The following DISP1 variants were observed in gnomAD, a reference collection of about 807,000 sequenced individuals.
DISP1 encodes the protein dispatched RND transporter family member 1, also known as protein dispatched homolog 1.
DISP1 carries 30 observed loss-of-function variants against 37.3 expected under a neutral mutation model. The observed-to-expected ratio is 0.80, with a 90% CI of 0.60 to 1.09. The LOEUF (loss-of-function observed/expected upper bound fraction) is 1.09, where lower values mean the gene tolerates loss of function less well. Ranked by LOEUF, DISP1 falls within the 50% of genes least tolerant of loss-of-function variation. DISP1 has a pLI of 0.00. For missense variants in DISP1, 1,598 were observed against 1,879.5 expected (o/e 0.85, Z 2.77); for synonymous variants, 634 against 690.2 (o/e 0.92, Z 1.28).
chr1:223,005,927 A>G lies in DISP1; in HGVS notation c.4530A>G (p.Thr1510=), dbSNP rs774238192. The G allele has an allele frequency of 1.2e-5, 20 of 1,614,100 alleles. No individual in the cohort carries two copies. The highest frequency in any genetic ancestry group is 7.7e-5 in the South Asian group (7 of 91,090). The change falls in exon 9 of 9, where the codon ACA becomes ACG. Residue 1510 remains threonine (T), a synonymous_variant. Transcript: ENST00000675850. The part of the protein sequence containing the change: ...NMEANVPAVL[T]HSELSGESLL... ...AAGCCAATGTGCCTGCTGTATTAAC[A>G]CACTCGGAACTTTCTGGTGAAAGTT...
intron 1 of DISP1, among the ~76,000 whole-genome samples, chr1:222,870,982 G>A (rs1669534836): frequency 1.3e-5 from 2 of 152,108 alleles, no homozygotes; most frequent in African/African-American, 2.4e-5. Flanking sequence ...GTGTAAGGAA[G>A]GGATCCAGTT....
rs1679781605 is a variant in DISP1 at position 223,004,948 on chromosome 1, A to C, written c.3551A>C (p.Lys1184Thr). ...TATCATTTAGATCCCAGGGGCCCAA[A>C]ATCTGAACTGGAGCATGAGTTTTAT... ...NAYHLDPRGP[K>T]SELEHEFYEL... is the part of the protein sequence containing the mutation. The change falls in exon 9 of 9, where the codon AAA becomes ACA. Residue 1184 changes from lysine (K) to threonine (T), a missense_variant. Physicochemically the swap from Lys to Thr is moderately conservative, Grantham distance 78 (BLOSUM62 -1). Coordinates refer to ENST00000675850, the MANE Select transcript of DISP1 (RefSeq NM_001377229.1). This position sits in a 1 kb window ranked among gnomAD's most constrained non-coding sequence, Gnocchi z 4.9. The C allele has an allele frequency of 6.2e-7, 1 of 1,613,524 alleles. No individual in the cohort carries two copies. The highest frequency in any genetic ancestry group is 8.5e-7 in the Non-Finnish European group (1 of 1,180,014).
intron 1 of DISP1, among the ~76,000 whole-genome samples, chr1:222,853,286 T>A (rs912026084): frequency 1.3e-5 from 2 of 152,096 alleles, no homozygotes; most frequent in Non-Finnish European, 1.5e-5. Flanking sequence ...AAAAGGGAAC[T>A]TATATGTTAG....
intron 3 of DISP1, among the ~76,000 whole-genome samples, chr1:222,947,563 C>T (rs1674885670): frequency 6.6e-6 from 1 of 152,092 alleles, no homozygotes; most frequent in Non-Finnish European, 1.5e-5. Flanking sequence ...TGGGTATATG[C>T]TCAGACCAGA....
At position 222,875,245 on chromosome 1, in the gene DISP1, G is replaced by A. The variant is rs147223724; in HGVS notation, c.-158-53185G>A. ...GGAGAATCACTTGAACCCAGGAGGC[G>A]GAGGTTGCAGTGAGCCCAAACCACG... On this transcript the variant is annotated intron_variant, in intron 1 of 8. Transcript: ENST00000675850. 4.2e-3 allele frequency among the ~76,000 whole-genome samples: 642 copies of A among 151,924 alleles called. 13 individuals carry two copies. Among genetic ancestry groups the A allele is most frequent in the Admixed American group, 0.018 (272 of 15,252 alleles).
chr1:222,876,299 T>C (rs996044245), intron 1 of DISP1, among the ~76,000 whole-genome samples: 4 of 152,196 alleles, frequency 2.6e-5, no homozygotes, highest in African/African-American at 9.7e-5. Flanking sequence ...TTCTGGAGTA[T>C]ATACTGTGAT....
chr1:222,875,867 A>G (rs114582372), intron 1 of DISP1, among the ~76,000 whole-genome samples: 2,315 of 151,366 alleles, frequency 0.015, 40 homozygotes, highest in South Asian at 0.031. Context: ...AAAAGAAAAT[A>G]GCATCAGAAA....
intron 3 of DISP1, among the ~76,000 whole-genome samples, chr1:222,979,406 CA>C (rs201634416): frequency 3.4e-5 from 5 of 146,092 alleles, no homozygotes; most frequent in African/African-American, 7.6e-5. Flanking sequence ...GACCTTGTCT[CA>C]AAAAAAAAAT....
chr1:222,936,027 A>G (rs1191359569), intron 2 of DISP1, among the ~76,000 whole-genome samples: 1 of 152,222 alleles, frequency 6.6e-6, no homozygotes, highest in Admixed American at 6.5e-5. Context: ...AGCCATGGTG[A>G]CACTGGAATG....
intron 1 of DISP1, among the ~76,000 whole-genome samples, chr1:222,899,584 AT>A (rs1157621093): frequency 6.7e-6 from 1 of 150,156 alleles, no homozygotes; most frequent in Non-Finnish European, 1.5e-5. Context: ...GCAAGAGGAA[AT>A]TTTTTTTTTA....
chr1:222,858,154 T>C (rs562976828), intron 1 of DISP1, among the ~76,000 whole-genome samples: 1 of 152,284 alleles, frequency 6.6e-6, no homozygotes, highest in African/African-American at 2.4e-5. Flanking sequence ...CCATCTGATC[T>C]TCCACAGACC....
intron 1 of DISP1, among the ~76,000 whole-genome samples, chr1:222,901,139 A>G (rs1293066230): frequency 6.6e-6 from 1 of 152,146 alleles, no homozygotes. Flanking sequence ...TGGTGGGTGA[A>G]TAGCTCTGAT....
intron 1 of DISP1, among the ~76,000 whole-genome samples, chr1:222,832,538 G>C (rs535859658): frequency 6.6e-6 from 1 of 152,180 alleles, no homozygotes; most frequent in East Asian, 1.9e-4. Flanking sequence ...TAAAATGCAG[G>C]ATTACTTTAG....
chr1:222,971,463 A>G (rs1314278588), intron 3 of DISP1, among the ~76,000 whole-genome samples: 8 of 150,842 alleles, frequency 5.3e-5, no homozygotes. Context: ...TCAACCTTGT[A>G]TGATACCGAA....
chr1:223,004,501 A>G lies in DISP1; in HGVS notation c.3104A>G (p.Asn1035Ser), dbSNP rs192049195. 1.2e-5 allele frequency: 20 copies of G among 1,614,148 alleles called. No individual in the cohort carries two copies. In the Admixed American group the frequency reaches 1.7e-4, roughly 13 times the overall value. ...GSLVLLGWEL[N>S]VLESVTISVA... Reference sequence around the variant, plus strand: ...CTTGTCCTGCTGGGCTGGGAGCTCAATGTGTTGGAATCTGTCACCATTTCG... The same window carrying G: ...CTTGTCCTGCTGGGCTGGGAGCTCAGTGTGTTGGAATCTGTCACCATTTCG... The change falls in exon 9 of 9, where the codon AAT becomes AGT. Residue 1035 changes from asparagine to serine, a missense_variant. Coordinates refer to ENST00000675850, the MANE Select transcript of DISP1 (RefSeq NM_001377229.1). This position sits in a 1 kb window ranked among gnomAD's most constrained non-coding sequence, Gnocchi z 4.9.
At chr1:222,947,745 T>C (rs1674899921) in intron 3 of DISP1, among the ~76,000 whole-genome samples, 1 of 152,092 alleles carries the variant, frequency 6.6e-6, no homozygotes, top group Non-Finnish European at 1.5e-5. Context: ...GGCATCCTAA[T>C]TGATGTGAGA....
chr1:222,910,501 G>A (rs1672152607), intron 1 of DISP1, among the ~76,000 whole-genome samples: 1 of 152,218 alleles, frequency 6.6e-6, no homozygotes, highest in Non-Finnish European at 1.5e-5. Context: ...AGGAAAAAAT[G>A]TCCCAGAGGG....
At chr1:222,920,651 A>G (rs1178579604) in intron 1 of DISP1, among the ~76,000 whole-genome samples, 3 of 152,116 alleles carry the variant, frequency 2.0e-5, no homozygotes, top group African/African-American at 7.2e-5. Flanking sequence ...ACTTTTCTTT[A>G]TAGTAATTTT....
rs573243994 is a variant in DISP1, at chr1:222,816,927, C to T, written c.-159+1849C>T. Among the ~76,000 whole-genome samples the T allele has an allele frequency of 1.3e-4, 20 of 152,226 alleles. No homozygotes were observed. The South Asian group carries it at 2.5e-3, about 19-fold the overall frequency. On this transcript the variant is annotated intron_variant, in intron 1 of 8. Coordinates refer to ENST00000675850, the MANE Select transcript of DISP1 (RefSeq NM_001377229.1). Reference sequence around the variant, plus strand: ...ATAAGACTTGATTTTATTTTTCTTCCGCCTTTTCCCATGGTTTTTGAGAAA... The same window carrying T: ...ATAAGACTTGATTTTATTTTTCTTCTGCCTTTTCCCATGGTTTTTGAGAAA...
Sources: gnomAD v4.1 joint callset for allele counts (sites outside exome capture counted in the v4.1 genomes callset) on GRCh38, gnomAD v4.1.1 for gene constraint, Gnocchi (gnomAD v3.1) non-coding constraint, MANE v1.5 for transcripts, NCBI Gene and HGNC (gene_info 2026-07-23, HGNC 2026-07-21) for gene names.